AGAP3: variants seen among roughly 807,000 people sequenced by gnomAD.
AGAP3 encodes the protein arf-GAP with GTPase, ANK repeat and PH domain-containing protein 3.
AGAP3 carries 24 observed loss-of-function variants against 96.9 expected under a neutral mutation model. The observed-to-expected ratio is 0.25, with a 90% CI of 0.18 to 0.35. The LOEUF (loss-of-function observed/expected upper bound fraction) is 0.35. Among genes scored for constraint, AGAP3 ranks in the 10% least tolerant of loss-of-function variants. The probability of loss-of-function intolerance (pLI) is 1.00; values close to 1 mark genes in which losing one functional copy is unlikely to be tolerated. For synonymous variants in AGAP3, 563 were observed against 536.1 expected (o/e 1.05, Z -0.69); for missense variants, 876 against 1,254.2 (o/e 0.70, Z 4.55).
intron 9 of AGAP3, among the ~76,000 whole-genome samples, chr7:151,125,680 C>G (rs1260654145): frequency 2.6e-5 from 4 of 152,222 alleles, no homozygotes; most frequent in Non-Finnish European, 5.9e-5. Flanking sequence ...TCCAGCCCCG[C>G]CAGATCTGCA....
At chr7:151,131,255 A>G (rs1255011663) in intron 10 of AGAP3, 1 of 152,264 alleles carries the variant, frequency 6.6e-6, no homozygotes, top group Non-Finnish European at 1.5e-5. Flanking sequence ...AGCCATTCAC[A>G]CAATCACCTT....
At position 151,144,149 on chromosome 7, in the gene AGAP3, C is replaced by T. The variant is rs1402717866; in HGVS notation, c.*206C>T. ...AGAGAGGGATGAGGGATTTAGCCCTCTGCCCTAAGGTGCCATTGAAAAGGG... is the reference window on the plus strand; with the variant it reads ...AGAGAGGGATGAGGGATTTAGCCCTTTGCCCTAAGGTGCCATTGAAAAGGG... On this transcript the variant is annotated 3_prime_UTR_variant, in exon 18 of 18. Transcript: ENST00000397238. 3.1e-6 allele frequency: 2 copies of T among 636,688 alleles called. No individual in the cohort carries two copies. Among genetic ancestry groups the T allele is most frequent in the Non-Finnish European group, 5.4e-6 (2 of 372,222 alleles). The allele number at this position is 636,688 out of a possible 1,614,324, so 39.4% of individuals were successfully genotyped here.
In AGAP3 at chr7:151,104,494, C is replaced by T. The variant is rs1798961507; in HGVS notation, c.332-12299C>T. On this transcript the variant is annotated intron_variant, in intron 1 of 17. Coordinates refer to ENST00000397238, the MANE Select transcript of AGAP3 (RefSeq NM_031946.7). ...CAGGCCAAAAGAAAAGAAAGACAGG[C>T]AAAGAGTAGGATCAAGACAAATGAA... is the stretch of plus-strand genomic sequence containing the variant. Among the ~76,000 whole-genome samples the T allele has an allele frequency of 3.9e-5, 6 of 152,118 alleles. No homozygotes were observed. In the South Asian group the frequency reaches 1.2e-3, roughly 31 times the overall value.
intron 8 of AGAP3, chr7:151,120,589 CAG>C (rs1160771215): frequency 1.6e-6 from 2 of 1,284,742 alleles, no homozygotes. Flanking sequence ...CAGCTAGAGT[CAG>C]AGCCCAGGCC....
intron 1 of AGAP3, among the ~76,000 whole-genome samples, chr7:151,091,350 A>G (rs1270940245): frequency 6.6e-6 from 1 of 152,240 alleles, no homozygotes; most frequent in Non-Finnish European, 1.5e-5. Context: ...CTTTGCTCGC[A>G]AGAGTTCTAG....
intron 1 of AGAP3, among the ~76,000 whole-genome samples, chr7:151,091,088 TC>T (rs1272051534): frequency 1.3e-5 from 2 of 152,242 alleles, no homozygotes; most frequent in Admixed American, 1.3e-4. Flanking sequence ...GGCATGATGG[TC>T]CCCATGTTTG....
intron 10 of AGAP3, among the ~76,000 whole-genome samples, chr7:151,131,645 C>T (rs1342849490): frequency 6.6e-6 from 1 of 152,240 alleles, no homozygotes; most frequent in African/African-American, 2.4e-5. Context: ...GAATCCGGGG[C>T]TGTGGGTGCC....
chr7:151,138,440 A>C, intron 12 of AGAP3, 127 bp downstream of exon 12: 1 of 1,133,284 alleles, frequency 8.8e-7, no homozygotes, highest in Non-Finnish European at 1.2e-6. Context: ...GGTGGGGCCC[A>C]GCTGGGCCCT....
At chr7:151,093,705 C>T (rs936143822) in intron 1 of AGAP3, among the ~76,000 whole-genome samples, 11 of 152,138 alleles carry the variant, frequency 7.2e-5, no homozygotes, top group South Asian at 2.1e-4. Flanking sequence ...GAAGGGGAGC[C>T]GGAGATTCAC....
intron 1 of AGAP3, among the ~76,000 whole-genome samples, chr7:151,103,404 A>G (rs1798911698): frequency 6.6e-6 from 1 of 152,268 alleles, no homozygotes; most frequent in Admixed American, 6.5e-5. Flanking sequence ...TTAAGCGGAC[A>G]GAAAACCCAG....
chr7:151,123,204 C>G, intron 8 of AGAP3: 1 of 1,084,114 alleles, frequency 9.2e-7, no homozygotes, highest in Non-Finnish European at 1.1e-6. Context: ...GCCGCCGCCG[C>G]CGCCGCGCTT....
At chr7:151,121,721 A>G (rs1290810680) in intron 8 of AGAP3, among the ~76,000 whole-genome samples, 1 of 151,626 alleles carries the variant, frequency 6.6e-6, no homozygotes, top group Non-Finnish European at 1.5e-5. Context: ...CTCCATCCTC[A>G]CAGCGGCGAC....
intron 9 of AGAP3, chr7:151,128,377 A>G (rs1800266326): frequency 5.5e-6 from 3 of 549,160 alleles, no homozygotes; most frequent in South Asian, 2.2e-5. Context: ...CTGATGGATG[A>G]TGGGGGAGAG....
intron 11 of AGAP3, 25 bp from the exon 12 acceptor site, chr7:151,138,118 C>A: frequency 1.9e-6 from 3 of 1,556,830 alleles, no homozygotes; most frequent in Non-Finnish European, 2.6e-6. Context: ...GCCTCCCTTC[C>A]CAGTCTGACC....
At chr7:151,124,739 T>G (rs900611316) in intron 9 of AGAP3, among the ~76,000 whole-genome samples, 1 of 152,014 alleles carries the variant, frequency 6.6e-6, no homozygotes, top group African/African-American at 2.4e-5. Context: ...TGACTGCTTG[T>G]GGGGAGGGGC....
chr7:151,117,523 G>T, intron 4 of AGAP3, 67 bp downstream of exon 4: 2 of 1,613,178 alleles, frequency 1.2e-6, no homozygotes, highest in Non-Finnish European at 1.7e-6. Flanking sequence ...CTTGCTGGTT[G>T]GGACTGGGAG....
chr7:151,099,639 G>A (rs1000618190), intron 1 of AGAP3, among the ~76,000 whole-genome samples: 6 of 152,188 alleles, frequency 3.9e-5, no homozygotes, highest in Non-Finnish European at 7.3e-5. Context: ...GAGATGAAGT[G>A]CATGTGGGCC....
intron 10 of AGAP3, among the ~76,000 whole-genome samples, chr7:151,130,129 C>T (rs1468983375): frequency 2.6e-5 from 4 of 152,222 alleles, no homozygotes; most frequent in Non-Finnish European, 2.9e-5. Context: ...CATTTCCCCA[C>T]CTGTGTGGAG....
intron 1 of AGAP3, among the ~76,000 whole-genome samples, chr7:151,106,721 C>T (rs1296003215): frequency 6.6e-6 from 1 of 152,120 alleles, no homozygotes; most frequent in Non-Finnish European, 1.5e-5. Context: ...AGGTGATTCG[C>T]CCGCCTCAGG....
Sources: allele counts gnomAD v4.1 joint callset (sites outside exome capture counted in the v4.1 genomes callset), GRCh38; gene constraint gnomAD v4.1.1; transcripts MANE v1.5; gene names NCBI Gene and HGNC (gene_info 2026-07-23, HGNC 2026-07-21).